Variants in LHX8 observed in about 807,000 individuals in gnomAD.
LHX8 encodes LIM/homeobox protein Lhx8.
A neutral mutation model predicts 40.3 loss-of-function variants in LHX8; 12 were observed. The observed-to-expected ratio is 0.30, with a 90% CI of 0.19 to 0.48. The LOEUF (loss-of-function observed/expected upper bound fraction) is 0.48. LHX8 is among the 20% of genes least tolerant of loss of function. The probability of loss-of-function intolerance (pLI) is 0.99; values close to 1 mark genes in which losing one functional copy is unlikely to be tolerated. For missense variants in LHX8, 344 were observed against 433.7 expected (o/e 0.79, Z 1.84); for synonymous variants, 179 against 162.0 (o/e 1.10, Z -0.80).
chr1:75,175,473 A>G, the LHX8 span, among the ~76,000 whole-genome samples: 1 of 152,002 alleles, frequency 6.6e-6, no homozygotes, highest in Admixed American at 6.6e-5. Context: ...ATATGTGTTT[A>G]TTTTTGATTT....
chr1:75,150,228 A>G (rs1251495020), intron 7 of LHX8, among the ~76,000 whole-genome samples: 1 of 152,128 alleles, frequency 6.6e-6, no homozygotes, highest in Admixed American at 6.5e-5. Flanking sequence ...ATGGAGTAAG[A>G]TCCTCTCTCA....
At chr1:75,199,016 T>G in the LHX8 span, among the ~76,000 whole-genome samples, 6 of 152,358 alleles carry the variant, frequency 3.9e-5, no homozygotes, top group African/African-American at 1.4e-4. Context: ...CATCATTCTT[T>G]TTTGTTTGTT....
upstream of LHX8, chr1:75,132,612 G>A (rs1330493494): frequency 6.6e-5 from 10 of 152,282 alleles, no homozygotes; most frequent in Admixed American, 3.9e-4. Context: ...TTAGGCGAGG[G>A]TGGGTGGAAA....
chr1:75,151,147 A>G (rs1648598709), intron 7 of LHX8, among the ~76,000 whole-genome samples: 1 of 152,154 alleles, frequency 6.6e-6, no homozygotes, highest in African/African-American at 2.4e-5. Context: ...TTCTTCTGTA[A>G]GCCTAAAGGT....
intron 1 of LHX8, among the ~76,000 whole-genome samples, chr1:75,128,783 A>G (rs1246014210): frequency 2.0e-5 from 3 of 152,198 alleles, no homozygotes; most frequent in African/African-American, 7.2e-5. Flanking sequence ...TTAACTCTCA[A>G]ATAAACCAGC....
chr1:75,181,499 T>C, the LHX8 span, among the ~76,000 whole-genome samples: 1 of 152,334 alleles, frequency 6.6e-6, no homozygotes, highest in South Asian at 2.1e-4. Flanking sequence ...TGGGACCCTC[T>C]GAGCCAGGCA....
chr1:75,183,328 G>T, the LHX8 span, among the ~76,000 whole-genome samples: 2 of 152,080 alleles, frequency 1.3e-5, no homozygotes, highest in Admixed American at 1.3e-4. Flanking sequence ...ATAATCATCA[G>T]ATTTTCTAAG....
chr1:75,197,048 C>G, the LHX8 span, among the ~76,000 whole-genome samples: 2 of 151,930 alleles, frequency 1.3e-5, no homozygotes, highest in East Asian at 3.9e-4. Flanking sequence ...GTGTGAGCAG[C>G]AAACCAAAAT....
At position 75,143,877 on chromosome 1, in the gene LHX8, A is replaced by T. The variant is rs1174714503; in HGVS notation, c.613A>T (p.Thr205Ser). 8.7e-6 allele frequency: 14 copies of T among 1,613,376 alleles called. No individual in the cohort carries two copies. Among genetic ancestry groups the T allele is most frequent in the Non-Finnish European group, 1.1e-5 (13 of 1,179,444 alleles). Reference protein sequence around the residue: ...NGISVEGALLTEQDVNHPKPA... With the variant: ...NGISVEGALLSEQDVNHPKPA... ...GATTAGTGTGGAAGGTGCCCTCCTCACAGAGCAAGATGTTAACCATCCAAA... is the reference window on the plus strand; with the variant it reads ...GATTAGTGTGGAAGGTGCCCTCCTCTCAGAGCAAGATGTTAACCATCCAAA... The change falls in exon 6 of 9, where the codon ACA becomes TCA. Residue 205 changes from threonine (T) to serine (S), a missense_variant. Physicochemically the swap from Thr to Ser is moderately conservative, Grantham distance 58. Transcript: ENST00000356261.
At chr1:75,130,547 T>C, upstream of LHX8, 1 of 734,290 alleles carries the variant, frequency 1.4e-6, no homozygotes, top group East Asian at 2.5e-5. Flanking sequence ...GAGAGACCAG[T>C]GGGTCCCAGA....
At chr1:75,176,827 A>G in the LHX8 span, among the ~76,000 whole-genome samples, 1 of 152,214 alleles carries the variant, frequency 6.6e-6, no homozygotes, top group African/African-American at 2.4e-5. Flanking sequence ...TAAGTCTTTA[A>G]TCCATCTTGA....
At chr1:75,131,563 G>C (rs995791786), upstream of LHX8, 1 of 152,218 alleles carries the variant, frequency 6.6e-6, no homozygotes, top group African/African-American at 2.4e-5. Context: ...GAGGCGGAAG[G>C]CTCATTAGAC....
At chr1:75,146,761 C>G (rs1365841219) in intron 6 of LHX8, among the ~76,000 whole-genome samples, 1 of 152,084 alleles carries the variant, frequency 6.6e-6, no homozygotes, top group Non-Finnish European at 1.5e-5. Context: ...ACAATCAACT[C>G]ATCTTACTTT....
chr1:75,151,248 TTTAA>T lies in LHX8; in HGVS notation c.780+2569_780+2572del, dbSNP rs1481939901. 2.6e-5 allele frequency among the ~76,000 whole-genome samples: 4 copies of T among 152,322 alleles called. No homozygotes were observed. In the East Asian group the frequency reaches 7.7e-4, roughly 29 times the overall value. ...TCTAAAGACCTAGGGTTCACAGTGT[TTTAA>T]TTGACTGCAAGGTAATGAGGCTGTC... On this transcript the variant is annotated intron_variant, in intron 7 of 8. Coordinates refer to ENST00000356261, the MANE Select transcript of LHX8 (RefSeq NM_001256114.2).
chr1:75,149,622 C>T (rs1648553439), intron 7 of LHX8, among the ~76,000 whole-genome samples: 1 of 152,070 alleles, frequency 6.6e-6, no homozygotes, highest in African/African-American at 2.4e-5. Flanking sequence ...GCAATCACAG[C>T]TCACTGCAGC....
At chr1:75,160,508 G>T (rs1338514023) in intron 8 of LHX8, 1 of 364,294 alleles carries the variant, frequency 2.7e-6, no homozygotes, top group Non-Finnish European at 5.1e-6. Context: ...AAAGCTAGCA[G>T]CAGCATCTCT....
At chr1:75,199,243 T>G in the LHX8 span, among the ~76,000 whole-genome samples, 1 of 152,162 alleles carries the variant, frequency 6.6e-6, no homozygotes, top group Non-Finnish European at 1.5e-5. Flanking sequence ...TTTTTGTGCT[T>G]TAGGTTCTCC....
At chr1:75,139,158 G>A (rs1648236683) in intron 3 of LHX8, among the ~76,000 whole-genome samples, 1 of 152,122 alleles carries the variant, frequency 6.6e-6, no homozygotes, top group Admixed American at 6.5e-5. Context: ...AGTATGACAG[G>A]AGTTAGATGC....
chr1:75,149,509 T>G (rs1286789966), intron 7 of LHX8, among the ~76,000 whole-genome samples: 1 of 152,098 alleles, frequency 6.6e-6, no homozygotes, highest in Admixed American at 6.5e-5. Context: ...TGTTGTTTGT[T>G]TTTTGTTTGT....
Sources: allele counts gnomAD v4.1 joint callset (sites outside exome capture counted in the v4.1 genomes callset), GRCh38; gene constraint gnomAD v4.1.1; transcripts MANE v1.5; gene names NCBI Gene and HGNC (gene_info 2026-07-23, HGNC 2026-07-21).